The following EYS variants were observed in gnomAD, a reference collection of about 807,000 sequenced individuals.
The protein encoded by EYS is EGF-like photoreceptor maintenance factor.
A neutral mutation model predicts 282.1 loss-of-function variants in EYS; 250 were observed. The ratio of observed to expected loss-of-function variants is 0.89; its 90% CI spans 0.80 to 0.98. The LOEUF (loss-of-function observed/expected upper bound fraction) is 0.98. Among genes scored for constraint, EYS ranks in the 50% least tolerant of loss-of-function variants. EYS has a pLI of 0.00. For missense variants in EYS, 4,016 were observed against 3,709.0 expected (o/e 1.08, Z -2.15); for synonymous variants, 1,355 against 1,282.9 (o/e 1.06, Z -1.20).
chr6:64,252,693 G>A (rs1036250288), intron 30 of EYS, among the ~76,000 whole-genome samples: 3 of 152,080 alleles, frequency 2.0e-5, no homozygotes, highest in South Asian at 2.1e-4. Context: ...TTTCCCTGAT[G>A]GATGCTTATT....
intron 30 of EYS, among the ~76,000 whole-genome samples, chr6:64,231,943 C>G (rs1411764320): frequency 6.6e-6 from 1 of 151,888 alleles, no homozygotes; most frequent in Non-Finnish European, 1.5e-5. Flanking sequence ...TATTTTATAC[C>G]TTGTCATAAA....
chr6:65,357,715 G>A (rs1053753435), intron 8 of EYS, among the ~76,000 whole-genome samples: 5 of 151,880 alleles, frequency 3.3e-5, no homozygotes, highest in African/African-American at 7.2e-5. Flanking sequence ...TAAGTACTAT[G>A]TTTTACAAGT....
chr6:65,589,996 T>A (rs1765177602), intron 2 of EYS, among the ~76,000 whole-genome samples: 2 of 152,038 alleles, frequency 1.3e-5, no homozygotes, highest in South Asian at 4.1e-4. Flanking sequence ...GCAAAACCAT[T>A]GGCAAAATGA....
At chr6:63,873,769 T>C (rs1772882477) in intron 35 of EYS, among the ~76,000 whole-genome samples, 1 of 152,206 alleles carries the variant, frequency 6.6e-6, no homozygotes. Flanking sequence ...GATGAGCATT[T>C]TTTTCATGTG....
At chr6:65,554,386 TTCTC>T (rs1463618789) in intron 2 of EYS, among the ~76,000 whole-genome samples, 1 of 152,184 alleles carries the variant, frequency 6.6e-6, no homozygotes, top group Non-Finnish European at 1.5e-5. Context: ...TTCCTGAACT[TTCTC>T]TCAACCTCCT....
intron 33 of EYS, among the ~76,000 whole-genome samples, chr6:64,006,132 A>G (rs1447549718): frequency 6.6e-6 from 1 of 152,036 alleles, no homozygotes; most frequent in African/African-American, 2.4e-5. Flanking sequence ...TGTTTGGGTC[A>G]TCTCCAATTC....
intron 12 of EYS, among the ~76,000 whole-genome samples, chr6:65,203,470 G>A (rs1285654087): frequency 3.3e-5 from 5 of 152,000 alleles, no homozygotes; most frequent in Admixed American, 3.3e-4. Context: ...CTACACTCAG[G>A]CTATCTATAA....
intron 26 of EYS, among the ~76,000 whole-genome samples, chr6:64,470,397 A>G (rs916584092): frequency 6.6e-6 from 1 of 152,226 alleles, no homozygotes; most frequent in Non-Finnish European, 1.5e-5. Context: ...TGAGAAATTA[A>G]AAAACAAAAT....
intron 26 of EYS, among the ~76,000 whole-genome samples, chr6:64,448,082 G>C (rs1352557025): frequency 6.6e-6 from 1 of 152,226 alleles, no homozygotes; most frequent in Non-Finnish European, 1.5e-5. Context: ...GGAAGCGCAG[G>C]GGGTCAGGGA....
intron 19 of EYS, among the ~76,000 whole-genome samples, chr6:64,878,070 T>C (rs777764393): frequency 6.6e-6 from 1 of 151,910 alleles, no homozygotes; most frequent in Non-Finnish European, 1.5e-5. Flanking sequence ...CCATCTTTAC[T>C]AAAAATACAA....
chr6:65,372,264 C>T (rs907721293), intron 8 of EYS, among the ~76,000 whole-genome samples: 4 of 151,810 alleles, frequency 2.6e-5, no homozygotes, highest in East Asian at 1.9e-4. Flanking sequence ...AAACAACACT[C>T]GATAACTTTA....
chr6:64,661,134 G>T (rs1406064189), intron 22 of EYS, among the ~76,000 whole-genome samples: 1 of 152,044 alleles, frequency 6.6e-6, no homozygotes, highest in East Asian at 1.9e-4. Flanking sequence ...CAAGAAATGG[G>T]GAAACGATTC....
intron 22 of EYS, among the ~76,000 whole-genome samples, chr6:64,666,966 G>A (rs1402871274): frequency 6.6e-6 from 1 of 151,854 alleles, no homozygotes; most frequent in Non-Finnish European, 1.5e-5. Context: ...GAGATCAATG[G>A]GCAGACCAGA....
intron 29 of EYS, among the ~76,000 whole-genome samples, chr6:64,357,260 T>C (rs987116324): frequency 6.6e-6 from 1 of 151,666 alleles, no homozygotes; most frequent in Non-Finnish European, 1.5e-5. Flanking sequence ...ATGACCTTTT[T>C]TAGAGAACAT....
intron 33 of EYS, among the ~76,000 whole-genome samples, chr6:64,034,419 G>A (rs183756467): frequency 3.9e-4 from 59 of 152,258 alleles, no homozygotes; most frequent in African/African-American, 1.4e-3. Context: ...CAAAACACAG[G>A]AATGCAAGTG....
intron 22 of EYS, among the ~76,000 whole-genome samples, chr6:64,752,096 A>AAACC (rs1240156779): frequency 3.3e-5 from 5 of 152,206 alleles, no homozygotes; most frequent in Admixed American, 6.5e-5. Flanking sequence ...ACAAACAAAC[A>AAACC]AACCGTGTTA....
At chr6:64,338,849 T>C (rs996563070) in intron 29 of EYS, among the ~76,000 whole-genome samples, 1 of 152,000 alleles carries the variant, frequency 6.6e-6, no homozygotes, top group African/African-American at 2.4e-5. Context: ...AGCCAACTGA[T>C]CTTCAACAAA....
chr6:64,641,537 T>C (rs1323636718), intron 22 of EYS, among the ~76,000 whole-genome samples: 1 of 152,214 alleles, frequency 6.6e-6, no homozygotes, highest in African/African-American at 2.4e-5. Flanking sequence ...GGGAATCTCT[T>C]GCTCTCTTTC....
chr6:65,445,105 C>A (rs998100106), intron 5 of EYS, among the ~76,000 whole-genome samples: 1 of 151,236 alleles, frequency 6.6e-6, no homozygotes, highest in Non-Finnish European at 1.5e-5. Flanking sequence ...AAAAAAAGGT[C>A]TTTTAAACTC....
Sources: allele counts gnomAD v4.1 joint callset (sites outside exome capture counted in the v4.1 genomes callset), GRCh38; gene constraint gnomAD v4.1.1; transcripts MANE v1.5; gene names NCBI Gene and HGNC (gene_info 2026-07-23, HGNC 2026-07-21).